CSTL1: variants seen among roughly 807,000 people sequenced by gnomAD.
CSTL1 encodes the protein cystatin like 1, also known as cystatin-like 1.
CSTL1 carries 14 observed loss-of-function variants against 14.4 expected under a neutral mutation model. That is an observed-to-expected ratio of 0.97 (90% CI 0.64 to 1.52). CSTL1 has a LOEUF of 1.52. Among genes scored for constraint, CSTL1 ranks in the 40% most tolerant of loss-of-function variants. The probability of loss-of-function intolerance (pLI) is 0.00; values close to 1 mark genes in which losing one functional copy is unlikely to be tolerated. For missense variants in CSTL1, 170 were observed against 168.7 expected, an observed-to-expected ratio of 1.01 and a Z score of -0.04; for synonymous variants, 72 against 67.5, an observed-to-expected ratio of 1.07 and a Z score of -0.33.
chr20:23,458,878 G>T, the CSTL1 span, among the ~76,000 whole-genome samples: 1 of 152,084 alleles, frequency 6.6e-6, no homozygotes, highest in Non-Finnish European at 1.5e-5. Flanking sequence ...AGACCATTTG[G>T]CCTCTTCTCT....
At chr20:23,441,659 A>G (rs1027980727) in intron 2 of CSTL1, among the ~76,000 whole-genome samples, 4 of 152,240 alleles carry the variant, frequency 2.6e-5, no homozygotes, top group Non-Finnish European at 4.4e-5. Context: ...TGTACTGTTT[A>G]GGGAATAATT....
At chr20:23,451,992 G>A in the CSTL1 span, 10 of 1,152,456 alleles carry the variant, frequency 8.7e-6, no homozygotes, top group East Asian at 4.8e-5. Context: ...GTGCCTGGGG[G>A]CTCCGCTACC....
downstream of CSTL1, among the ~76,000 whole-genome samples, chr20:23,447,029 G>A (rs939359702): frequency 6.6e-6 from 1 of 152,172 alleles, no homozygotes; most frequent in Non-Finnish European, 1.5e-5. Context: ...GCAAATCTAA[G>A]CTAATTGAGG....
the CSTL1 span, chr20:23,459,556 C>T: frequency 6.6e-6 from 1 of 152,166 alleles, no homozygotes; most frequent in Non-Finnish European, 1.5e-5. Context: ...CACACACACA[C>T]ACACACACAT....
downstream of CSTL1, among the ~76,000 whole-genome samples, chr20:23,445,180 G>A (rs1210365467): frequency 6.6e-6 from 1 of 151,394 alleles, no homozygotes; most frequent in East Asian, 1.9e-4. Flanking sequence ...CACACATTCA[G>A]TGGTCTTCAG....
intron 2 of CSTL1, among the ~76,000 whole-genome samples, chr20:23,442,037 GTTC>G (rs1033953813): frequency 6.6e-6 from 1 of 152,238 alleles, no homozygotes; most frequent in African/African-American, 2.4e-5. Context: ...TTGGTTCTTG[GTTC>G]TTCCACAATT....
chr20:23,457,574 T>A, the CSTL1 span: 10 of 151,922 alleles, frequency 6.6e-5, no homozygotes, highest in Non-Finnish European at 1.0e-4. Flanking sequence ...TATATATATA[T>A]AAATTTTTTT....
At chr20:23,444,163 G>T in intron 3 of CSTL1, 119 bp downstream of exon 3, 2 of 818,450 alleles carry the variant, frequency 2.4e-6, no homozygotes, top group Non-Finnish European at 4.0e-6. Context: ...CCAGCCCTGG[G>T]GCTGTCTGGC....
downstream of CSTL1, among the ~76,000 whole-genome samples, chr20:23,446,439 G>A (rs1986969147): frequency 6.6e-6 from 1 of 151,936 alleles, no homozygotes; most frequent in Admixed American, 6.6e-5. Flanking sequence ...TGTATTTTTA[G>A]TAGAGACAGG....
At chr20:23,446,595 G>A (rs1012663668), downstream of CSTL1, among the ~76,000 whole-genome samples, 7 of 152,304 alleles carry the variant, frequency 4.6e-5, no homozygotes, top group South Asian at 4.1e-4. Context: ...CAGGCGGGCC[G>A]TGCGAACTCA....
rs751049935 is a variant in CSTL1, at chr20:23,443,982, A to C, written c.268A>C (p.Lys90Gln). Residue 90 changes from lysine (K) to glutamine (Q), a missense_variant, in exon 3 of 4, where the codon AAA becomes CAA. Coordinates refer to ENST00000347397, the MANE Select transcript of CSTL1 (RefSeq NM_138283.1). ...YIVTVKIGWT[K>Q]CKRNDTSNSS... is the part of the protein sequence containing the mutation. ...AGTCACTGTGAAGATTGGCTGGACC[A>C]AATGCAAGAGGAATGACACGAGCAA... The C allele has an allele frequency of 3.1e-6, 5 of 1,614,200 alleles. No homozygotes were observed. In the Admixed American group the frequency reaches 8.3e-5, roughly 27 times the overall value.
chr20:23,443,209 TTC>T (rs1441155383), intron 2 of CSTL1, among the ~76,000 whole-genome samples: 1 of 152,240 alleles, frequency 6.6e-6, no homozygotes, highest in Non-Finnish European at 1.5e-5. Context: ...AGATTTTGTG[TTC>T]TGTCACTCTC....
chr20:23,459,564 CAT>C, the CSTL1 span: 2 of 152,244 alleles, frequency 1.3e-5, no homozygotes, highest in African/African-American at 2.4e-5. Flanking sequence ...CACACACACA[CAT>C]GCACGCACTT....
the CSTL1 span, among the ~76,000 whole-genome samples, chr20:23,456,436 C>T: frequency 2.6e-5 from 4 of 152,180 alleles, no homozygotes; most frequent in South Asian, 4.1e-4. Context: ...TTTAGGGCCC[C>T]TCTGTGTCAG....
At chr20:23,439,917 T>G (rs2123308816) in intron 1 of CSTL1, 111 bp downstream of exon 1, 1 of 291,382 alleles carries the variant, frequency 3.4e-6, no homozygotes, top group African/African-American at 2.1e-5. Flanking sequence ...TGCTTCTCTA[T>G]CTACAACCCC....
In CSTL1 at chr20:23,440,491, G is replaced by A; in HGVS notation, c.219+5G>A. 6.2e-7 allele frequency: 1 copy of A among 1,604,140 alleles called. No homozygotes were observed. Among genetic ancestry groups the A allele is most frequent in the Non-Finnish European group, 8.5e-7 (1 of 1,170,936 alleles). The stretch of plus-strand genomic sequence containing the variant: ...CTAATTCGAAGTCAGATGCAGGTTT[G>A]TACCTTGCTCTCCCAAGACATCAGC... On this transcript the variant is annotated splice_donor_5th_base_variant and intron_variant, in intron 2 of 3. Coordinates refer to ENST00000347397, the MANE Select transcript of CSTL1 (RefSeq NM_138283.1).
At chr20:23,446,991 A>T (rs1158824039), downstream of CSTL1, among the ~76,000 whole-genome samples, 2 of 152,152 alleles carry the variant, frequency 1.3e-5, no homozygotes, top group Non-Finnish European at 2.9e-5. Context: ...CGTCACAAAA[A>T]CAAAAAGGCC....
At position 23,440,336 on chromosome 20, in the gene CSTL1, T is replaced by A. The variant is rs1456334421; in HGVS notation, c.69T>A (p.Gly23=). 11 of 1,614,146 alleles carry A rather than the reference T, an allele frequency of 6.8e-6. No homozygotes were observed. Among genetic ancestry groups the A allele is most frequent in the Non-Finnish European group, 9.3e-6 (11 of 1,180,026 alleles). The change falls in exon 2 of 4, where the codon GGT becomes GGA. Residue 23 remains glycine (G), a synonymous_variant. Transcript: ENST00000347397. ...LIALVLSAKL[G]HFQRWEGFQQ... is the part of the protein sequence containing the mutation. ...CCCTGGTCCTGTCAGCCAAGCTGGG[T>A]CACTTCCAAAGGTGGGAGGGCTTCC...
At chr20:23,446,037 C>G (rs1986959232), downstream of CSTL1, among the ~76,000 whole-genome samples, 1 of 152,170 alleles carries the variant, frequency 6.6e-6, no homozygotes, top group African/African-American at 2.4e-5. Flanking sequence ...TTACCGGGGA[C>G]TGGTCATGAA....
Sources: gnomAD v4.1 joint callset for allele counts (sites outside exome capture counted in the v4.1 genomes callset) on GRCh38, gnomAD v4.1.1 for gene constraint, MANE v1.5 for transcripts, NCBI Gene and HGNC (gene_info 2026-07-23, HGNC 2026-07-21) for gene names.